DDX10: variants seen among roughly 807,000 people sequenced by gnomAD.
DDX10 encodes DEAD-box helicase 10, also known as probable ATP-dependent RNA helicase DDX10.
DDX10 carries 74 observed loss-of-function variants against 104.3 expected under a neutral mutation model. The observed-to-expected ratio is 0.71, with a 90% CI of 0.59 to 0.86. The LOEUF (loss-of-function observed/expected upper bound fraction) is 0.86. Ranked by LOEUF, DDX10 falls within the 40% of genes least tolerant of loss-of-function variation. DDX10 has a pLI of 0.00. For missense variants in DDX10, 952 were observed against 1,040.0 expected, an observed-to-expected ratio of 0.92 and a Z score of 1.16; for synonymous variants, 351 against 353.4, an observed-to-expected ratio of 0.99 and a Z score of 0.08.
intron 16 of DDX10, among the ~76,000 whole-genome samples, chr11:108,856,853 C>T (rs1261179561): frequency 2.7e-5 from 4 of 150,656 alleles, no homozygotes; most frequent in African/African-American, 7.4e-5. Context: ...CTCCTCTCCA[C>T]CCCCCACCAC....
chr11:108,836,069 G>A (rs1208262685), intron 13 of DDX10, among the ~76,000 whole-genome samples: 1 of 152,064 alleles, frequency 6.6e-6, no homozygotes, highest in Non-Finnish European at 1.5e-5. Context: ...TGATTCAGCA[G>A]GAATTAGCCT....
At chr11:108,789,183 C>T (rs929827690) in intron 13 of DDX10, among the ~76,000 whole-genome samples, 1 of 152,156 alleles carries the variant, frequency 6.6e-6, no homozygotes, top group African/African-American at 2.4e-5. Flanking sequence ...TCAGGTACTT[C>T]CTGTTCTTGT....
intron 16 of DDX10, among the ~76,000 whole-genome samples, chr11:108,854,627 G>T (rs969206246): frequency 2.6e-5 from 4 of 152,164 alleles, no homozygotes; most frequent in Admixed American, 2.0e-4. Flanking sequence ...AACTGAAAGT[G>T]TAAGAAAGGG....
intron 6 of DDX10, among the ~76,000 whole-genome samples, chr11:108,682,436 T>C (rs2094236755): frequency 2.0e-5 from 3 of 152,240 alleles, no homozygotes; most frequent in Admixed American, 2.0e-4. Flanking sequence ...TTAGTCTACC[T>C]ATAGCAACTT....
At chr11:108,875,903 T>A (rs1863147892) in intron 16 of DDX10, among the ~76,000 whole-genome samples, 1 of 152,156 alleles carries the variant, frequency 6.6e-6, no homozygotes, top group African/African-American at 2.4e-5. Flanking sequence ...ATACAGATGA[T>A]GCCTAGCTTA....
chr11:108,708,228 AG>A (rs1467876689), intron 10 of DDX10, among the ~76,000 whole-genome samples: 1 of 149,306 alleles, frequency 6.7e-6, no homozygotes. Flanking sequence ...AAAAAAAAAA[AG>A]ATCATGAGTG....
At chr11:108,813,030 A>G (rs1188335766) in intron 13 of DDX10, among the ~76,000 whole-genome samples, 1 of 150,336 alleles carries the variant, frequency 6.7e-6, no homozygotes, top group East Asian at 2.0e-4. Context: ...ATTTGTACCA[A>G]GTTGTTCCTA....
intron 13 of DDX10, among the ~76,000 whole-genome samples, chr11:108,738,294 C>T (rs565128583): frequency 2.0e-5 from 3 of 149,058 alleles, no homozygotes; most frequent in Non-Finnish European, 3.0e-5. Flanking sequence ...TGGCTTTCAG[C>T]GAGTCTTATT....
At position 108,695,439 on chromosome 11, in the gene DDX10, G is replaced by A. The variant is rs1228085476; in HGVS notation, c.1223+1839G>A. On this transcript the variant is annotated intron_variant, in intron 9 of 17. Transcript: ENST00000322536. ...CAGGGATGTGAGGATCTTTAGGCCC[G>A]AGCACAGACTGTCCTGTTTGGCAGG... Among the ~76,000 whole-genome samples, 4 of 152,130 alleles carry A rather than the reference G, an allele frequency of 2.6e-5. No individual in the cohort carries two copies. In the East Asian group the frequency reaches 5.8e-4, roughly 22 times the overall value.
chr11:108,766,309 A>G (rs1252707009), intron 13 of DDX10, among the ~76,000 whole-genome samples: 2 of 152,142 alleles, frequency 1.3e-5, no homozygotes, highest in Non-Finnish European at 2.9e-5. Flanking sequence ...TTCCTTTGTA[A>G]TGTCTTACCT....
intron 13 of DDX10, among the ~76,000 whole-genome samples, chr11:108,810,664 T>C (rs750131828): frequency 6.6e-6 from 1 of 152,200 alleles, no homozygotes; most frequent in Non-Finnish European, 1.5e-5. Context: ...ACGGAACCTG[T>C]GGTTTGCTTC....
chr11:108,864,962 G>T (rs920076992), intron 16 of DDX10, among the ~76,000 whole-genome samples: 2 of 152,150 alleles, frequency 1.3e-5, no homozygotes, highest in Admixed American at 6.5e-5. Flanking sequence ...GTTGTTCTTA[G>T]CCTGACCCCT....
chr11:108,852,506 C>G (rs557236300), intron 16 of DDX10, among the ~76,000 whole-genome samples: 4 of 152,282 alleles, frequency 2.6e-5, no homozygotes, highest in African/African-American at 9.6e-5. Flanking sequence ...TATTTTGCAT[C>G]TATTAAATAC....
chr11:108,902,841 A>C (rs1416209744), intron 16 of DDX10, among the ~76,000 whole-genome samples: 1 of 152,144 alleles, frequency 6.6e-6, no homozygotes, highest in African/African-American at 2.4e-5. Flanking sequence ...TTATTAAATA[A>C]TCCTTTCCAT....
intron 16 of DDX10, among the ~76,000 whole-genome samples, chr11:108,857,784 C>G (rs1411679799): frequency 6.6e-6 from 1 of 152,192 alleles, no homozygotes; most frequent in Non-Finnish European, 1.5e-5. Context: ...GACTCTTAAG[C>G]ATTAGGCCAT....
At chr11:108,685,558 A>C (rs1304408134) in intron 6 of DDX10, among the ~76,000 whole-genome samples, 1 of 152,186 alleles carries the variant, frequency 6.6e-6, no homozygotes, top group Admixed American at 6.5e-5. Context: ...GCTCCTCCCA[A>C]GGTTATCTCC....
intron 11 of DDX10, among the ~76,000 whole-genome samples, chr11:108,717,464 C>A (rs574367377): frequency 1.3e-5 from 2 of 152,252 alleles, no homozygotes; most frequent in South Asian, 4.2e-4. Flanking sequence ...CATGCGCCAC[C>A]ACACCCGGCC....
chr11:108,759,350 G>T (rs1357552372), intron 13 of DDX10, among the ~76,000 whole-genome samples: 1 of 152,108 alleles, frequency 6.6e-6, no homozygotes, highest in Admixed American at 6.6e-5. Flanking sequence ...TGGGATGGAT[G>T]ATAGTTTTTT....
chr11:108,687,943 A>C (rs949153088), intron 6 of DDX10, among the ~76,000 whole-genome samples: 1 of 152,214 alleles, frequency 6.6e-6, no homozygotes, highest in Non-Finnish European at 1.5e-5. Flanking sequence ...TATAATGTAT[A>C]GCCCCCTGAT....
Sources: gnomAD v4.1 joint callset for allele counts (sites outside exome capture counted in the v4.1 genomes callset) on GRCh38, gnomAD v4.1.1 for gene constraint, MANE v1.5 for transcripts, NCBI Gene and HGNC (gene_info 2026-07-23, HGNC 2026-07-21) for gene names.